CPS1: variants seen among roughly 807,000 people sequenced by gnomAD.
The protein encoded by CPS1 is carbamoyl-phosphate synthase 1.
Under a neutral mutation model 174.6 loss-of-function variants are expected in CPS1, and 109 were observed. The ratio of observed to expected loss-of-function variants is 0.62; its 90% CI spans 0.53 to 0.73. The LOEUF (loss-of-function observed/expected upper bound fraction) is 0.73. CPS1 is among the 30% of genes least tolerant of loss of function. The pLI, the probability that CPS1 is intolerant of heterozygous loss-of-function variation, is 0.00. For missense variants in CPS1, 1,689 were observed against 1,821.9 expected, an observed-to-expected ratio of 0.93 and a Z score of 1.33; for synonymous variants, 637 against 632.0, an observed-to-expected ratio of 1.01 and a Z score of -0.12.
intron 1 of CPS1, among the ~76,000 whole-genome samples, chr2:210,523,767 C>T (rs1695891985): frequency 6.6e-6 from 1 of 151,974 alleles, no homozygotes; most frequent in African/African-American, 2.4e-5. Flanking sequence ...ATATAAAGTG[C>T]TTGGCATTAT....
rs12998125 is a variant in CPS1, at chr2:210,512,756, A to C, written c.3+34990A>C. On this transcript the variant is annotated intron_variant, in intron 1 of 38. Coordinates refer to the CPS1 transcript ENST00000430249. ...TAGTTTTATATATATATATATATAT[A>C]TATATATATATATATATATATATAT... 6.9e-3 allele frequency among the ~76,000 whole-genome samples: 407 copies of C among 59,170 alleles called. 17 individuals are homozygous for C. Among genetic ancestry groups the C allele is most frequent in the African/African-American group, 0.047 (359 of 7,570 alleles). 38.8% of individuals were successfully genotyped at this position (59,170 alleles called of 152,430 possible).
chr2:210,601,128 AG>A (rs1360533578), intron 15 of CPS1, among the ~76,000 whole-genome samples: 1 of 151,982 alleles, frequency 6.6e-6, no homozygotes, highest in African/African-American at 2.4e-5. Flanking sequence ...TAAACATTTT[AG>A]AATAAAATGG....
intron 17 of CPS1, among the ~76,000 whole-genome samples, chr2:210,605,779 C>A (rs1391391999): frequency 6.6e-6 from 1 of 151,768 alleles, no homozygotes; most frequent in Non-Finnish European, 1.5e-5. Flanking sequence ...TAAGTTGATA[C>A]AAAGACACTG....
intron 1 of CPS1, among the ~76,000 whole-genome samples, chr2:210,499,825 A>C (rs2105961330): frequency 6.6e-6 from 1 of 152,256 alleles, no homozygotes; most frequent in Non-Finnish European, 1.5e-5. Flanking sequence ...AGATGCCATC[A>C]TGAGGGCTGT....
chr2:210,586,203 G>A (rs923333372), intron 6 of CPS1, among the ~76,000 whole-genome samples: 3 of 151,800 alleles, frequency 2.0e-5, no homozygotes, highest in Non-Finnish European at 4.4e-5. Context: ...TGTTCATGTC[G>A]GGCAGGGATG....
chr2:210,625,458 G>A (rs1366852411), intron 21 of CPS1, among the ~76,000 whole-genome samples: 6 of 152,038 alleles, frequency 3.9e-5, no homozygotes, highest in African/African-American at 1.4e-4. Context: ...AAGTCTCGAT[G>A]TACAGTTTTT....
At chr2:210,513,516 G>A (rs1271956036) in intron 1 of CPS1, among the ~76,000 whole-genome samples, 1 of 151,802 alleles carries the variant, frequency 6.6e-6, no homozygotes, top group Non-Finnish European at 1.5e-5. Flanking sequence ...CATGTCTGTT[G>A]CCTGTTTTTT....
chr2:210,559,897 C>A (rs1360385588), intron 1 of CPS1, among the ~76,000 whole-genome samples: 6 of 151,994 alleles, frequency 3.9e-5, no homozygotes, highest in Non-Finnish European at 8.8e-5. Context: ...AACCATTAAA[C>A]TGAACATTTT....
chr2:210,580,581 G>A (rs1697890793), intron 5 of CPS1, among the ~76,000 whole-genome samples: 1 of 151,954 alleles, frequency 6.6e-6, no homozygotes, highest in African/African-American at 2.4e-5. Flanking sequence ...ACACATGTGG[G>A]CTGGGTGCAG....
intron 1 of CPS1, among the ~76,000 whole-genome samples, chr2:210,489,764 C>T (rs910391205): frequency 1.8e-4 from 28 of 151,698 alleles, no homozygotes; most frequent in African/African-American, 6.8e-4. Context: ...AGGGAGAGGC[C>T]GAGGCAGGCA....
chr2:210,596,222 A>G (rs567752849), intron 13 of CPS1, among the ~76,000 whole-genome samples: 1 of 152,066 alleles, frequency 6.6e-6, no homozygotes, highest in Admixed American at 6.6e-5. Flanking sequence ...CTGTAGTAAA[A>G]TAAAACTTTA....
In CPS1 at chr2:210,576,431, G is replaced by A. The variant is rs958927742; in HGVS notation, c.322G>A (p.Asp108Asn). 5 of 1,613,650 alleles carry A rather than the reference G, an allele frequency of 3.1e-6. No homozygotes were observed. The highest frequency in any genetic ancestry group is 4.2e-6 in the Non-Finnish European group (5 of 1,179,744). Residue 108 changes from aspartate to asparagine, a missense_variant, in exon 3 of 38, where the codon GAT becomes AAT. Physicochemically the swap from Asp to Asn is conservative, Grantham distance 23. Transcript: ENST00000233072. ...TATTATTGGGAATGGTGGAGCTCCTGATACTACTGCTCTGGATGAACTGGG... is the reference window on the plus strand; with the variant it reads ...TATTATTGGGAATGGTGGAGCTCCTAATACTACTGCTCTGGATGAACTGGG... ...NPIIGNGGAP[D>N]TTALDELGLS...
intron 1 of CPS1, among the ~76,000 whole-genome samples, chr2:210,548,550 G>C (rs543697009): frequency 1.3e-5 from 2 of 152,028 alleles, no homozygotes; most frequent in East Asian, 3.9e-4. Flanking sequence ...ACACTCAAAG[G>C]CATGTCAGGT....
chr2:210,477,807 G>A, intron 1 of CPS1: 1 of 1,608,562 alleles, frequency 6.2e-7, no homozygotes, highest in Non-Finnish European at 8.5e-7. Flanking sequence ...TTAAAAGATG[G>A]GTGTTTGAAG....
chr2:210,588,961 C>T (rs891309491), intron 7 of CPS1, among the ~76,000 whole-genome samples: 1 of 152,058 alleles, frequency 6.6e-6, no homozygotes, highest in African/African-American at 2.4e-5. Context: ...TCATGTTGCC[C>T]ATCTTCCAAT....
At chr2:210,489,744 AAAGG>A (rs1345865033) in intron 1 of CPS1, among the ~76,000 whole-genome samples, 3 of 152,188 alleles carry the variant, frequency 2.0e-5, no homozygotes, top group Non-Finnish European at 2.9e-5. Context: ...ATAAAATAAA[AAAGG>A]AAGGAAGGGA....
At position 210,556,694 on chromosome 2, in the gene CPS1, T is replaced by C; in HGVS notation, c.-40T>C. Reference sequence around the variant, plus strand: ...AGTCTTATCACACAATCTCATAAAATTTATGTAATTTCATTTAATTTTAGC... The same window carrying C: ...AGTCTTATCACACAATCTCATAAAACTTATGTAATTTCATTTAATTTTAGC... On this transcript the variant is annotated 5_prime_UTR_variant, in exon 1 of 38. Coordinates refer to ENST00000233072, the MANE Select transcript of CPS1 (RefSeq NM_001875.5). 6.2e-7 allele frequency: 1 copy of C among 1,608,390 alleles called. No homozygotes were observed. The highest frequency in any genetic ancestry group is 8.5e-7 in the Non-Finnish European group (1 of 1,177,718).
At chr2:210,564,668 G>T (rs1332614875) in intron 1 of CPS1, among the ~76,000 whole-genome samples, 1 of 143,826 alleles carries the variant, frequency 7.0e-6, no homozygotes, top group South Asian at 2.5e-4. Context: ...GAGCCACCGC[G>T]CCCGGCCTAG....
intron 5 of CPS1, among the ~76,000 whole-genome samples, 195 bp from the exon 6 acceptor site, chr2:210,582,422 A>G (rs1056063921): frequency 6.6e-6 from 1 of 152,136 alleles, no homozygotes; most frequent in Admixed American, 6.6e-5. Context: ...TGTATTTCCA[A>G]GAGTATTTCC....
Sources: allele counts gnomAD v4.1 joint callset (sites outside exome capture counted in the v4.1 genomes callset), GRCh38; gene constraint gnomAD v4.1.1; transcripts MANE v1.5; gene names NCBI Gene and HGNC (gene_info 2026-07-23, HGNC 2026-07-21).